MDGA2: variants seen among roughly 807,000 people sequenced by gnomAD.
The protein encoded by MDGA2 is MAM domain-containing glycosylphosphatidylinositol anchor protein 2.
A neutral mutation model predicts 117.8 loss-of-function variants in MDGA2; 40 were observed. The ratio of observed to expected loss-of-function variants is 0.34; its 90% CI spans 0.26 to 0.44. MDGA2 has a LOEUF of 0.44. Ranked by LOEUF, MDGA2 falls within the 20% of genes least tolerant of loss-of-function variation. The pLI is 1.00. For missense variants in MDGA2, 1,123 were observed against 1,250.6 expected (o/e 0.90, Z 1.54); for synonymous variants, 452 against 439.0 (o/e 1.03, Z -0.37).
chr14:47,173,426 G>C (rs2139332775), intron 3 of MDGA2, among the ~76,000 whole-genome samples: 1 of 152,324 alleles, frequency 6.6e-6, no homozygotes, highest in South Asian at 2.1e-4. Context: ...ACAAAGGGAA[G>C]CACATCAGAC....
At chr14:47,132,565 A>G (rs1882257146) in intron 4 of MDGA2, among the ~76,000 whole-genome samples, 1 of 151,936 alleles carries the variant, frequency 6.6e-6, no homozygotes, top group Non-Finnish European at 1.5e-5. Context: ...TGAACCAAGA[A>G]AGACTTTGTA....
intron 1 of MDGA2, among the ~76,000 whole-genome samples, chr14:47,592,358 C>G (rs570814369): frequency 1.3e-5 from 2 of 152,080 alleles, no homozygotes; most frequent in Non-Finnish European, 2.9e-5. Context: ...ATTAAACTAC[C>G]ATTGCCATTC....
intron 1 of MDGA2, among the ~76,000 whole-genome samples, chr14:47,500,332 C>T (rs1456599087): frequency 6.6e-6 from 1 of 151,926 alleles, no homozygotes; most frequent in African/African-American, 2.4e-5. Flanking sequence ...CAGTTGTAAC[C>T]AGGGGTCTTC....
intron 1 of MDGA2, among the ~76,000 whole-genome samples, chr14:47,446,045 T>G (rs4536378): frequency 1 from 151,685 of 152,304 alleles, 75,534 homozygotes; most frequent in Middle Eastern, 1. Context: ...GCAAAATTGT[T>G]TAACTATTAT....
At chr14:47,573,828 A>G (rs1896065176) in intron 1 of MDGA2, among the ~76,000 whole-genome samples, 1 of 152,192 alleles carries the variant, frequency 6.6e-6, no homozygotes, top group Non-Finnish European at 1.5e-5. Context: ...ACCTTATTTT[A>G]AAAATTAAGA....
chr14:47,659,563 T>C (rs1326129543), intron 1 of MDGA2, among the ~76,000 whole-genome samples: 1 of 152,248 alleles, frequency 6.6e-6, no homozygotes, highest in African/African-American at 2.4e-5. Context: ...CTTTCATGGA[T>C]ATTATTTAAT....
intron 2 of MDGA2, among the ~76,000 whole-genome samples, chr14:47,266,516 A>C (rs2139688162): frequency 6.6e-6 from 1 of 152,260 alleles, no homozygotes; most frequent in Admixed American, 6.5e-5. Context: ...TTTAGCATGT[A>C]GCTAGAATAA....
Position 47,036,212 on chromosome 14 carries a change from G to A in MDGA2, c.1526-908C>T, listed in dbSNP as rs539140564. Among the ~76,000 whole-genome samples the A allele has an allele frequency of 1.5e-3, 217 of 140,762 alleles. 1 individual carries two copies. Among genetic ancestry groups the A allele is most frequent in the Non-Finnish European group, 2.5e-3 (163 of 66,294 alleles). The allele number at this position is 140,762 out of a possible 152,430, so 92.3% of individuals were successfully genotyped here. ...GTGAACCCGGGAGGCGGAGCTTGCAGTGAGTTGAGATTGCACCACTGCACT... is the reference window on the plus strand; with the variant it reads ...GTGAACCCGGGAGGCGGAGCTTGCAATGAGTTGAGATTGCACCACTGCACT... On this transcript the variant is annotated intron_variant, in intron 7 of 16. Transcript: ENST00000399232.
chr14:47,525,546 G>C (rs1055926063), intron 1 of MDGA2, among the ~76,000 whole-genome samples: 1 of 152,010 alleles, frequency 6.6e-6, no homozygotes, highest in Non-Finnish European at 1.5e-5. Context: ...TTATCCGGGC[G>C]TGGTGGCACA....
intron 1 of MDGA2, among the ~76,000 whole-genome samples, chr14:47,445,774 T>C (rs998652096): frequency 2.0e-5 from 3 of 151,878 alleles, no homozygotes; most frequent in East Asian, 1.9e-4. Context: ...AAGAGAAAAA[T>C]TGCTGCACAC....
chr14:46,866,130 G>T (rs1881748161), intron 14 of MDGA2, among the ~76,000 whole-genome samples: 1 of 152,022 alleles, frequency 6.6e-6, no homozygotes, highest in African/African-American at 2.4e-5. Flanking sequence ...CACACTACCT[G>T]ACTTCAAACT....
chr14:47,231,019 G>A (rs1013691225), intron 2 of MDGA2, among the ~76,000 whole-genome samples: 1 of 151,890 alleles, frequency 6.6e-6, no homozygotes, highest in African/African-American at 2.4e-5. Flanking sequence ...CTAATTTTGT[G>A]CTCGATTTTC....
chr14:47,030,960 T>C (rs1419930641), intron 8 of MDGA2, among the ~76,000 whole-genome samples: 1 of 152,148 alleles, frequency 6.6e-6, no homozygotes, highest in Non-Finnish European at 1.5e-5. Flanking sequence ...AACTATTTCA[T>C]TGTAGTGACT....
chr14:47,625,667 T>C (rs1897127222), intron 1 of MDGA2, among the ~76,000 whole-genome samples: 1 of 152,228 alleles, frequency 6.6e-6, no homozygotes, highest in African/African-American at 2.4e-5. Context: ...CGCCTTTATT[T>C]ATTATCTGGA....
At chr14:46,901,509 C>T (rs757188763) in intron 10 of MDGA2, among the ~76,000 whole-genome samples, 17 of 152,054 alleles carry the variant, frequency 1.1e-4, no homozygotes, top group Admixed American at 2.6e-4. Context: ...GAAAATCAAA[C>T]CTATTCAGCT....
chr14:47,179,212 C>T (rs918640502), intron 3 of MDGA2, among the ~76,000 whole-genome samples: 7 of 151,818 alleles, frequency 4.6e-5, no homozygotes, highest in African/African-American at 1.7e-4. Context: ...TACATGTGTA[C>T]AATATTATAT....
At chr14:46,935,907 G>A (rs1225836271) in intron 9 of MDGA2, among the ~76,000 whole-genome samples, 4 of 152,058 alleles carry the variant, frequency 2.6e-5, no homozygotes, top group Non-Finnish European at 5.9e-5. Context: ...ATTAGGCACA[G>A]GAGTCACAGC....
chr14:47,625,655 G>C (rs1405885785), intron 1 of MDGA2, among the ~76,000 whole-genome samples: 1 of 152,056 alleles, frequency 6.6e-6, no homozygotes, highest in African/African-American at 2.4e-5. Flanking sequence ...CTCAAAATAA[G>C]CCGCCTTTAT....
At chr14:47,294,673 T>G (rs1443173854) in intron 2 of MDGA2, among the ~76,000 whole-genome samples, 1 of 152,106 alleles carries the variant, frequency 6.6e-6, no homozygotes, top group Non-Finnish European at 1.5e-5. Context: ...AAATCTAGTA[T>G]GTTTCTTATT....
Sources: gnomAD v4.1 joint callset for allele counts (sites outside exome capture counted in the v4.1 genomes callset) on GRCh38, gnomAD v4.1.1 for gene constraint, MANE v1.5 for transcripts, NCBI Gene and HGNC (gene_info 2026-07-23, HGNC 2026-07-21) for gene names.